Variants in COL4A1 observed in about 807,000 individuals in gnomAD.
COL4A1 encodes collagen type IV alpha 1 chain, also known as collagen alpha-1(IV) chain.
In COL4A1, 40 loss-of-function variants were observed where a neutral mutation model predicts 216.6. That is an observed-to-expected ratio of 0.18 (90% CI 0.14 to 0.24). The LOEUF (loss-of-function observed/expected upper bound fraction) is 0.24, where lower values mean the gene tolerates loss of function less well. Among genes scored for constraint, COL4A1 ranks in the 10% least tolerant of loss-of-function variants. The pLI is 1.00. For synonymous variants in COL4A1, 839 were observed against 810.7 expected (o/e 1.03, Z -0.59); for missense variants, 1,628 against 2,196.8 (o/e 0.74, Z 5.18).
At chr13:110,236,149 T>C (rs1201459517) in intron 2 of COL4A1, among the ~76,000 whole-genome samples, 3 of 152,216 alleles carry the variant, frequency 2.0e-5, no homozygotes, top group African/African-American at 4.8e-5. Context: ...ATGTTGTAGA[T>C]GATGTGTTTA....
intron 2 of COL4A1, among the ~76,000 whole-genome samples, chr13:110,219,722 A>C (rs925311758): frequency 1.5e-5 from 2 of 131,196 alleles, no homozygotes; most frequent in Non-Finnish European, 3.2e-5. Context: ...GTGTATATAT[A>C]TGTGTGTATA....
chr13:110,158,423 C>T lies in COL4A1; in HGVS notation c.4640+2769G>A, dbSNP rs576541784. ...AACCCTGGTCTTCCCCCAAACAGGG[C>T]ATGTTCATCTAATGAAAGGAGTTGG... On this transcript the variant is annotated intron_variant, in intron 49 of 51. Transcript: ENST00000375820. 2.0e-4 allele frequency among the ~76,000 whole-genome samples: 31 copies of T among 152,294 alleles called. No homozygotes were observed. The East Asian group carries it at 5.8e-3, about 29-fold the overall frequency.
chr13:110,201,458 C>T lies in COL4A1; in HGVS notation c.1064G>A (p.Arg355Lys). The T allele has an allele frequency of 6.2e-7, 1 of 1,613,946 alleles. No homozygotes were observed. Among genetic ancestry groups the T allele is most frequent in the Non-Finnish European group, 8.5e-7 (1 of 1,180,016 alleles). Reference sequence around the variant, plus strand: ...GCTACCTTTTGGGCCTGGCTCTCCTCTTGGCCCCGGAGTTCCAGGGTAGCC... The same window carrying T: ...GCTACCTTTTGGGCCTGGCTCTCCTTTTGGCCCCGGAGTTCCAGGGTAGCC... ...ERGYPGTPGP[R>K]GEPGPKGFPG... Residue 355 changes from arginine to lysine, a missense_variant, in exon 19 of 52, where the codon AGA becomes AAA. Physicochemically the swap from Arg to Lys is conservative, Grantham distance 26 (BLOSUM62 2). Transcript: ENST00000375820.
At chr13:110,210,760 T>G (rs1022999632) in intron 8 of COL4A1, among the ~76,000 whole-genome samples, 3 of 152,108 alleles carry the variant, frequency 2.0e-5, no homozygotes, top group Non-Finnish European at 2.9e-5. Flanking sequence ...TGGCCCTCCA[T>G]AATGCTGGTG....
chr13:110,198,479 G>T lies in COL4A1; in HGVS notation c.1273C>A (p.Pro425Thr), dbSNP rs1277788794. ...PPGSPGPPGQ[P>T]GYTNGIVECQ... ...TGAGGGAACTCACTTGTGTAGCCAG[G>T]CTGCCCAGGGGGCCCAGGGGAACCA... Residue 425 changes from proline (P) to threonine (T), a missense_variant, in exon 21 of 52, where the codon CCT becomes ACT. Physicochemically the swap from Pro to Thr is conservative, Grantham distance 38. Coordinates refer to ENST00000375820, the MANE Select transcript of COL4A1 (RefSeq NM_001845.6). 6.2e-7 allele frequency: 1 copy of T among 1,613,650 alleles called. No individual in the cohort carries two copies.
In COL4A1 at chr13:110,170,701, T is replaced by C; in HGVS notation, c.3588A>G (p.Leu1196=). Residue 1196 remains leucine (L), a synonymous_variant, in exon 42 of 52, where the codon TTA becomes TTG. Transcript: ENST00000375820. ...ATCCAGGAATTCCTGGGCTCCCGGC[T>C]AATCCTGGGAAACCCACCTCACCCT... ...GSKGEVGFPG[L]AGSPGIPGSK... is the part of the protein sequence containing the mutation. The C allele has an allele frequency of 1.2e-6, 2 of 1,614,250 alleles. No homozygotes were observed. The highest frequency in any genetic ancestry group is 1.7e-6 in the Non-Finnish European group (2 of 1,180,052).
At chr13:110,212,280 TA>T in intron 6 of COL4A1, 136 bp downstream of exon 6, 1 of 1,054,830 alleles carries the variant, frequency 9.5e-7, no homozygotes. Context: ...CCTTACTAAA[TA>T]AAGCAAACTT....
Position 110,182,681 on chromosome 13 carries a change from G to A in COL4A1, c.2095+312C>T, listed in dbSNP as rs1216179839. ...CCCAACCCACCCTGGCTGTGTTCAGGTGGACTGCGAGTCTTCCTCACGGAT... is the reference window on the plus strand; with the variant it reads ...CCCAACCCACCCTGGCTGTGTTCAGATGGACTGCGAGTCTTCCTCACGGAT... On this transcript the variant is annotated intron_variant, in intron 28 of 51. Transcript: ENST00000375820. Among the ~76,000 whole-genome samples the A allele has an allele frequency of 3.3e-5, 5 of 152,324 alleles. No homozygotes were observed. The East Asian group carries it at 9.7e-4, about 29-fold the overall frequency.
chr13:110,150,367 GTTC>G lies in COL4A1; in HGVS notation c.5003_5005del (p.Arg1668del), dbSNP rs1294802953. 1.7e-5 allele frequency: 28 copies of G among 1,613,740 alleles called. No individual in the cohort carries two copies. Among genetic ancestry groups the G allele is most frequent in the African/African-American group, 4.0e-5 (3 of 74,930 alleles). On this transcript the variant is annotated inframe_deletion, in exon 52 of 52. Coordinates refer to ENST00000375820, the MANE Select transcript of COL4A1 (RefSeq NM_001845.6). ...CATTAGCTGAGTCAGGCTTCATTAT[GTTC>G]TTCTCATACAGACTTGGCAGCGGCT... is the stretch of plus-strand genomic sequence containing the variant.
intron 1 of COL4A1, among the ~76,000 whole-genome samples, chr13:110,262,145 GA>G (rs1485430670): frequency 6.6e-6 from 1 of 152,200 alleles, no homozygotes. Flanking sequence ...TGTGCAGTAG[GA>G]GCTTCAGAAA....
chr13:110,234,468 G>C (rs1881210965), intron 2 of COL4A1, among the ~76,000 whole-genome samples: 1 of 152,114 alleles, frequency 6.6e-6, no homozygotes, highest in Non-Finnish European at 1.5e-5. Flanking sequence ...TATAATCCCA[G>C]CTACTTGGGA....
At position 110,169,689 on chromosome 13, in the gene COL4A1, G is replaced by A. The variant is rs1370132798; in HGVS notation, c.3816C>T (p.Gly1272=). ...CTGGGACACCGGGTGCTCCTGGCCA[G>A]CCTGGATTTCCTTTGTCACCTTTAA... ...DGVKGDKGNP[G]WPGAPGVPGP... The change falls in exon 43 of 52, where the codon GGC becomes GGT. Residue 1272 remains glycine (G), a synonymous_variant. Transcript: ENST00000375820. 6.2e-7 allele frequency: 1 copy of A among 1,614,094 alleles called. No homozygotes were observed. Among genetic ancestry groups the A allele is most frequent in the South Asian group, 1.1e-5 (1 of 91,080 alleles).
intron 2 of COL4A1, among the ~76,000 whole-genome samples, chr13:110,217,964 C>T (rs549763808): frequency 4.5e-4 from 68 of 152,214 alleles, no homozygotes; most frequent in Admixed American, 1.2e-3. Flanking sequence ...TTTATAATAC[C>T]CAATTATTTC....
chr13:110,215,215 G>A (rs894221812), intron 2 of COL4A1, among the ~76,000 whole-genome samples: 2 of 152,100 alleles, frequency 1.3e-5, no homozygotes, highest in Non-Finnish European at 2.9e-5. Context: ...AGCCTCCCTT[G>A]GGCCATCATG....
chr13:110,155,968 AG>A (rs1389973048), intron 49 of COL4A1, among the ~76,000 whole-genome samples: 1 of 152,074 alleles, frequency 6.6e-6, no homozygotes, highest in East Asian at 1.9e-4. Flanking sequence ...GGGGAGGCTG[AG>A]GCAGGACTGC....
intron 24 of COL4A1, among the ~76,000 whole-genome samples, chr13:110,188,781 G>C (rs913986302): frequency 1.3e-5 from 2 of 152,166 alleles, no homozygotes; most frequent in Non-Finnish European, 2.9e-5. Flanking sequence ...AAATGGAGCA[G>C]ACTTGCTTTC....
intron 1 of COL4A1, among the ~76,000 whole-genome samples, chr13:110,287,877 G>A (rs1883904200): frequency 6.6e-6 from 1 of 152,192 alleles, no homozygotes; most frequent in South Asian, 2.1e-4. Flanking sequence ...CGTTCAAGTG[G>A]TGGCAATGCC....
rs1871975899 is a variant in COL4A1 at position 110,200,899 on chromosome 13, GAA to G, written c.1085-12_1085-11del. On this transcript the variant is annotated splice_polypyrimidine_tract_variant and intron_variant, in intron 19 of 51. Coordinates refer to ENST00000375820, the MANE Select transcript of COL4A1 (RefSeq NM_001845.6). ...GGTAGTCCTGGGAAACCTGAAAAGA[GAA>G]AGAGAGTGTTGGATCAAACAGAACA... 6.2e-7 allele frequency: 1 copy of G among 1,613,864 alleles called. No individual in the cohort carries two copies. The highest frequency in any genetic ancestry group is 8.5e-7 in the Non-Finnish European group (1 of 1,179,918).
chr13:110,160,484 G>A (rs1877032122), intron 49 of COL4A1, among the ~76,000 whole-genome samples: 1 of 151,878 alleles, frequency 6.6e-6, no homozygotes, highest in Non-Finnish European at 1.5e-5. Context: ...GGGCAGGGAT[G>A]ATTCAGAAAA....
Sources: gnomAD v4.1 joint callset for allele counts (sites outside exome capture counted in the v4.1 genomes callset) on GRCh38, gnomAD v4.1.1 for gene constraint, MANE v1.5 for transcripts, NCBI Gene and HGNC (gene_info 2026-07-23, HGNC 2026-07-21) for gene names.